LRRTM4: variants seen among roughly 807,000 people sequenced by gnomAD.
LRRTM4 encodes leucine rich repeat transmembrane neuronal 4, also known as leucine-rich repeat transmembrane neuronal protein 4.
Under a neutral mutation model 47.6 loss-of-function variants are expected in LRRTM4, and 25 were observed. The observed-to-expected ratio is 0.53, with a 90% CI of 0.38 to 0.73. The LOEUF (loss-of-function observed/expected upper bound fraction) is 0.73. LRRTM4 is among the 30% of genes least tolerant of loss of function. The pLI is 0.00. For synonymous variants in LRRTM4, 311 were observed against 269.5 expected (o/e 1.15, Z -1.51); for missense variants, 638 against 713.4 (o/e 0.89, Z 1.20).
At chr2:77,045,827 A>AT (rs1011427196) in intron 3 of LRRTM4, among the ~76,000 whole-genome samples, 18 of 151,574 alleles carry the variant, frequency 1.2e-4, no homozygotes, top group East Asian at 5.8e-4. Flanking sequence ...CAAGCACAGC[A>AT]TTTTTTTTGC....
chr2:76,761,734 C>T (rs987326854), intron 3 of LRRTM4, among the ~76,000 whole-genome samples: 2 of 152,036 alleles, frequency 1.3e-5, no homozygotes, highest in African/African-American at 4.8e-5. Flanking sequence ...TTCAAACCTC[C>T]CAATTATTTC....
intron 3 of LRRTM4, among the ~76,000 whole-genome samples, chr2:77,168,556 G>A (rs1246160388): frequency 3.3e-5 from 5 of 152,022 alleles, no homozygotes; most frequent in Non-Finnish European, 5.9e-5. Flanking sequence ...CTTTGTGTTA[G>A]GAAATATATT....
chr2:76,933,048 C>G (rs1674826138), intron 3 of LRRTM4, among the ~76,000 whole-genome samples: 1 of 152,074 alleles, frequency 6.6e-6, no homozygotes, highest in African/African-American at 2.4e-5. Flanking sequence ...CAATTCCTCA[C>G]ATCCTATTTT....
chr2:77,316,189 A>G (rs967361136), intron 3 of LRRTM4, among the ~76,000 whole-genome samples: 12 of 152,248 alleles, frequency 7.9e-5, no homozygotes, highest in African/African-American at 2.9e-4. Flanking sequence ...TTTAATTTCC[A>G]ATTTGTAAAT....
At chr2:77,230,483 A>G (rs1015761145) in intron 3 of LRRTM4, among the ~76,000 whole-genome samples, 1 of 152,172 alleles carries the variant, frequency 6.6e-6, no homozygotes, top group African/African-American at 2.4e-5. Flanking sequence ...ACTCTGTTGC[A>G]TAACCAATTA....
Position 77,456,430 on chromosome 2 carries a change from G to T in LRRTM4, c.1551+61888C>A, listed in dbSNP as rs116608225. On this transcript the variant is annotated intron_variant, in intron 3 of 3. Transcript: ENST00000409884. ...CAAACTAAAGTAGGCTAACTGTCCA[G>T]GCTTACAACTAAAGCCTCCCTGTCC... Among the ~76,000 whole-genome samples the T allele has an allele frequency of 4.8e-3, 734 of 152,104 alleles. 4 individuals carry two copies. Among genetic ancestry groups the T allele is most frequent in the African/African-American group, 0.017 (692 of 41,510 alleles).
chr2:77,495,750 G>A (rs1678339969), intron 3 of LRRTM4, among the ~76,000 whole-genome samples: 1 of 151,962 alleles, frequency 6.6e-6, no homozygotes, highest in Non-Finnish European at 1.5e-5. Context: ...CTGTCTTAAT[G>A]TCAATTCCAC....
At chr2:77,399,180 T>TA (rs1242231513) in intron 3 of LRRTM4, among the ~76,000 whole-genome samples, 1 of 150,624 alleles carries the variant, frequency 6.6e-6, no homozygotes, top group East Asian at 1.9e-4. Context: ...TTTTTTTTTT[T>TA]AATTTTAAAA....
chr2:76,918,623 G>A (rs1211778490), intron 3 of LRRTM4, among the ~76,000 whole-genome samples: 12 of 152,134 alleles, frequency 7.9e-5, no homozygotes, highest in East Asian at 1.9e-4. Flanking sequence ...AGACGAACCC[G>A]GAAGCATCTG....
chr2:77,441,272 T>C (rs1171312067), intron 3 of LRRTM4, among the ~76,000 whole-genome samples: 3 of 152,216 alleles, frequency 2.0e-5, no homozygotes, highest in African/African-American at 7.2e-5. Context: ...TGTTTTTAAT[T>C]ATGCAGACCC....
intron 3 of LRRTM4, among the ~76,000 whole-genome samples, chr2:77,064,645 G>T (rs147571799): frequency 8.5e-5 from 13 of 152,124 alleles, no homozygotes; most frequent in African/African-American, 1.4e-4. Flanking sequence ...ATTAAGTTCG[G>T]GAGTGTATCA....
intron 3 of LRRTM4, among the ~76,000 whole-genome samples, chr2:77,492,113 A>G (rs1573488553): frequency 6.6e-6 from 1 of 152,184 alleles, no homozygotes; most frequent in East Asian, 1.9e-4. Context: ...AAATCAAAAG[A>G]AAGTGACCCA....
intron 3 of LRRTM4, among the ~76,000 whole-genome samples, chr2:76,833,437 G>T (rs183051500): frequency 2.0e-5 from 3 of 152,124 alleles, no homozygotes; most frequent in East Asian, 1.9e-4. Context: ...TATAAAGAAA[G>T]TTAAAAATAC....
At chr2:77,450,659 T>C (rs1055808274) in intron 3 of LRRTM4, among the ~76,000 whole-genome samples, 8 of 152,084 alleles carry the variant, frequency 5.3e-5, no homozygotes, top group African/African-American at 1.9e-4. Flanking sequence ...ATTCCTGATC[T>C]GCCAAAAAAA....
At chr2:77,038,925 T>A (rs1006607701) in intron 3 of LRRTM4, among the ~76,000 whole-genome samples, 2 of 151,282 alleles carry the variant, frequency 1.3e-5, no homozygotes, top group African/African-American at 2.4e-5. Flanking sequence ...TTGCTCTTAT[T>A]ATATAGTGGG....
At chr2:76,967,666 TGAG>T (rs978668199) in intron 3 of LRRTM4, among the ~76,000 whole-genome samples, 6 of 151,784 alleles carry the variant, frequency 4.0e-5, no homozygotes, top group African/African-American at 1.4e-4. Flanking sequence ...TCTCAACGCA[TGAG>T]GATTCCTCTT....
intron 3 of LRRTM4, among the ~76,000 whole-genome samples, chr2:77,240,519 G>A (rs75755832): frequency 1.1e-3 from 174 of 152,020 alleles, no homozygotes; most frequent in South Asian, 2.1e-3. Flanking sequence ...AGATAAAAAT[G>A]TCAACTCTAT....
intron 3 of LRRTM4, among the ~76,000 whole-genome samples, chr2:76,813,789 G>C (rs1414220899): frequency 6.6e-6 from 1 of 152,076 alleles, no homozygotes; most frequent in African/African-American, 2.4e-5. Context: ...TTCACACAAA[G>C]ATTGTGAAGA....
chr2:76,779,288 A>G (rs1424398751), intron 3 of LRRTM4, among the ~76,000 whole-genome samples: 2 of 150,798 alleles, frequency 1.3e-5, no homozygotes, highest in Admixed American at 6.6e-5. Flanking sequence ...TGCTTGGTGC[A>G]GAGCTGAGTT....
Sources: gnomAD v4.1 joint callset for allele counts (sites outside exome capture counted in the v4.1 genomes callset) on GRCh38, gnomAD v4.1.1 for gene constraint, MANE v1.5 for transcripts, NCBI Gene and HGNC (gene_info 2026-07-23, HGNC 2026-07-21) for gene names.